FGL1: variants seen among roughly 807,000 people sequenced by gnomAD.
FGL1 encodes the protein fibrinogen like 1.
FGL1 carries 59 observed loss-of-function variants against 43.7 expected under a neutral mutation model. That is an observed-to-expected ratio of 1.35 (90% CI 1.10 to 1.68). The LOEUF (loss-of-function observed/expected upper bound fraction) is 1.68, where lower values mean the gene tolerates loss of function less well. Among genes scored for constraint, FGL1 ranks in the 40% most tolerant of loss-of-function variants. The pLI is 0.00. For missense variants in FGL1, 596 were observed against 373.0 expected, an observed-to-expected ratio of 1.60 and a Z score of -4.92; for synonymous variants, 192 against 126.5, an observed-to-expected ratio of 1.52 and a Z score of -3.48.
intron 7 of FGL1, among the ~76,000 whole-genome samples, chr8:17,867,966 A>G (rs960360302): frequency 6.6e-6 from 1 of 152,196 alleles, no homozygotes; most frequent in South Asian, 2.1e-4. Context: ...TGTATCAGTA[A>G]AAAAAGAAGC....
chr8:17,866,197 T>C (rs1486733709), intron 7 of FGL1, among the ~76,000 whole-genome samples: 1 of 152,208 alleles, frequency 6.6e-6, no homozygotes, highest in African/African-American at 2.4e-5. Context: ...ACCAGTTTTC[T>C]AGCATCGTTT....
intron 1 of FGL1, among the ~76,000 whole-genome samples, chr8:17,892,288 T>C (rs2129442361): frequency 6.6e-6 from 1 of 151,412 alleles, no homozygotes. Flanking sequence ...TTACAGAAAA[T>C]AAGAAACAAA....
chr8:17,867,554 T>A (rs2053288416), intron 7 of FGL1, among the ~76,000 whole-genome samples: 1 of 152,246 alleles, frequency 6.6e-6, no homozygotes, highest in African/African-American at 2.4e-5. Context: ...TAACAATATG[T>A]CAGCATTACA....
intron 2 of FGL1, among the ~76,000 whole-genome samples, chr8:17,884,526 A>G (rs1051753822): frequency 6.6e-6 from 1 of 151,816 alleles, no homozygotes; most frequent in Non-Finnish European, 1.5e-5. Flanking sequence ...TGTTCTTGTT[A>G]CTCTATCCCT....
chr8:17,891,563 G>T (rs986348966), intron 1 of FGL1: 1 of 420,664 alleles, frequency 2.4e-6, no homozygotes, highest in African/African-American at 2.2e-5. Context: ...ATTTGCAAAT[G>T]AGATCACATT....
At chr8:17,893,550 A>T (rs1347524370) in intron 1 of FGL1, among the ~76,000 whole-genome samples, 1 of 149,492 alleles carries the variant, frequency 6.7e-6, no homozygotes, top group Admixed American at 6.6e-5. Flanking sequence ...TGTTTATCTC[A>T]CTACCATTAA....
rs185868836 is a variant in FGL1, at chr8:17,888,123, A to T, written c.-17-2552T>A. Among the ~76,000 whole-genome samples, 4 of 152,142 alleles carry T rather than the reference A, an allele frequency of 2.6e-5. No individual in the cohort carries two copies. The East Asian group carries it at 7.7e-4, about 29-fold the overall frequency. ...TAATGTATTAAATATAATTGATTAT[A>T]TTAAAATATTTGCTTATGTTAAAAA... On this transcript the variant is annotated intron_variant, in intron 1 of 7. Coordinates refer to ENST00000427924, the MANE Select transcript of FGL1 (RefSeq NM_004467.4).
chr8:17,879,348 C>T (rs79930433), intron 3 of FGL1, among the ~76,000 whole-genome samples: 2 of 152,056 alleles, frequency 1.3e-5, no homozygotes, highest in African/African-American at 4.8e-5. Flanking sequence ...GTCTGCTCCC[C>T]AGCAGTGTCA....
chr8:17,868,863 T>C (rs1480527906), intron 6 of FGL1, 53 bp downstream of exon 6: 4 of 1,477,114 alleles, frequency 2.7e-6, no homozygotes, highest in Non-Finnish European at 3.7e-6. Flanking sequence ...CAGGGTTATA[T>C]TGCACATTTT....
At chr8:17,876,441 T>A (rs2131714012) in intron 3 of FGL1, among the ~76,000 whole-genome samples, 1 of 152,300 alleles carries the variant, frequency 6.6e-6, no homozygotes, top group South Asian at 2.1e-4. Context: ...TGGTGAGATG[T>A]TTACCTTTGT....
intron 7 of FGL1, among the ~76,000 whole-genome samples, chr8:17,867,577 T>C (rs907370977): frequency 6.6e-6 from 1 of 152,244 alleles, no homozygotes; most frequent in Non-Finnish European, 1.5e-5. Flanking sequence ...TCTTGTGCTT[T>C]GGGACCATTA....
At chr8:17,891,742 A>G (rs2053707955) in intron 1 of FGL1, 1 of 983,200 alleles carries the variant, frequency 1.0e-6, no homozygotes, top group Non-Finnish European at 1.2e-6. Flanking sequence ...TGCTTATGGG[A>G]GATCAAATTC....
chr8:17,887,656 G>C (rs1256107294), intron 1 of FGL1, among the ~76,000 whole-genome samples: 2 of 152,034 alleles, frequency 1.3e-5, no homozygotes, highest in East Asian at 3.9e-4. Flanking sequence ...CCAACATAGT[G>C]AAACCCTGTC....
chr8:17,882,325 G>C (rs1290874210), intron 2 of FGL1, 146 bp from the exon 3 acceptor site: 1 of 728,072 alleles, frequency 1.4e-6, no homozygotes, highest in East Asian at 2.9e-5. Context: ...GGCTTGAAAA[G>C]TTCTAATACT....
In FGL1 at chr8:17,882,130, C is replaced by A. The variant is rs78484373; in HGVS notation, c.113G>T (p.Arg38Leu). The change falls in exon 3 of 8, where the codon CGC (arginine) becomes CTC (leucine). Residue 38 changes from arginine to leucine, a missense_variant. Physicochemically the swap from Arg to Leu is moderately radical, Grantham distance 102. Transcript: ENST00000427924. Reference sequence around the variant, plus strand: ...CTGTTTGACCCGGGTCTCAAGCAGGCGCACCTGGGCTCTGAGCCGCATCTG... The same window carrying A: ...CTGTTTGACCCGGGTCTCAAGCAGGAGCACCTGGGCTCTGAGCCGCATCTG... ...QEQMRLRAQV[R>L]LLETRVKQQQ... is the part of the protein sequence containing the mutation. 0.022 allele frequency: 35,956 copies of A among 1,613,898 alleles called. 662 individuals carry two copies. Among genetic ancestry groups the A allele is most frequent in the Middle Eastern group, 0.053 (318 of 6,040 alleles).
At chr8:17,886,833 A>C (rs1342975478) in intron 1 of FGL1, among the ~76,000 whole-genome samples, 1 of 152,128 alleles carries the variant, frequency 6.6e-6, no homozygotes, top group South Asian at 2.1e-4. Context: ...GGGAATTGGC[A>C]AAGCAGCAGT....
At chr8:17,878,133 A>G (rs1164088592) in intron 3 of FGL1, among the ~76,000 whole-genome samples, 2 of 151,496 alleles carry the variant, frequency 1.3e-5, no homozygotes, top group African/African-American at 2.4e-5. Context: ...TTTTTTTTTT[A>G]TAGTGTTAGA....
Position 17,864,712 on chromosome 8 carries a change from G to T in FGL1, c.819C>A (p.Gly273=), listed in dbSNP as rs781087649. The T allele has an allele frequency of 5.0e-6, 8 of 1,612,214 alleles. No individual in the cohort carries two copies. The highest frequency in any genetic ancestry group is 6.8e-6 in the Non-Finnish European group (8 of 1,179,560). The change falls in exon 8 of 8, where the codon GGC becomes GGA. Residue 273 remains glycine, a synonymous_variant. Coordinates refer to ENST00000427924, the MANE Select transcript of FGL1 (RefSeq NM_004467.4). ...CATTGTCTGTTTTAGCCGTGTAGGG[G>T]CCGCTGTAGTATACACCATTCAGGT... ...SANLNGVYYS[G]PYTAKTDNGI...
intron 5 of FGL1, among the ~76,000 whole-genome samples, chr8:17,872,319 T>TA (rs1554563591): frequency 1.3e-5 from 2 of 151,348 alleles, no homozygotes; most frequent in Non-Finnish European, 2.9e-5. Flanking sequence ...TTATTATTAT[T>TA]TGAGACAGAG....
Sources: allele counts gnomAD v4.1 joint callset (sites outside exome capture counted in the v4.1 genomes callset), GRCh38; gene constraint gnomAD v4.1.1; transcripts MANE v1.5; gene names NCBI Gene and HGNC (gene_info 2026-07-23, HGNC 2026-07-21).